The following FCHSD2 variants were observed in gnomAD, a reference collection of about 807,000 sequenced individuals.
FCHSD2 encodes FCH and double SH3 domains 2.
Under a neutral mutation model 108.1 loss-of-function variants are expected in FCHSD2, and 38 were observed. The ratio of observed to expected loss-of-function variants is 0.35; its 90% CI spans 0.27 to 0.46. The LOEUF is 0.46. Ranked by LOEUF, FCHSD2 falls within the 20% of genes least tolerant of loss-of-function variation. FCHSD2 has a pLI of 1.00. For missense variants in FCHSD2, 751 were observed against 897.8 expected (o/e 0.84, Z 2.09); for synonymous variants, 279 against 314.7 (o/e 0.89, Z 1.20).
intron 2 of FCHSD2, among the ~76,000 whole-genome samples, chr11:73,121,136 C>G (rs1390937356): frequency 1.3e-5 from 2 of 151,606 alleles, no homozygotes; most frequent in African/African-American, 4.9e-5. Flanking sequence ...TTAAGCATAC[C>G]CTTTGGGGTC....
chr11:72,843,532 C>G lies in FCHSD2; in HGVS notation c.1444G>C (p.Ala482Pro), dbSNP rs1250694445. Reference protein sequence around the residue: ...LTCKVVYSYKASQPDELTIEE... With the variant: ...LTCKVVYSYKPSQPDELTIEE... ...ATGGTCAACTCATCTGGTTGAGAAG[C>G]CTGCAGTGTAGGATGGTCATGGACA... The change falls in exon 15 of 20, where the codon GCT (alanine) becomes CCT (proline). Residue 482 changes from alanine (A) to proline (P), a missense_variant and splice_region_variant. Coordinates refer to ENST00000409418, the MANE Select transcript of FCHSD2 (RefSeq NM_014824.3). 2.5e-6 allele frequency: 4 copies of G among 1,612,004 alleles called. No individual in the cohort carries two copies. The highest frequency in any genetic ancestry group is 3.3e-5 in the Admixed American group (2 of 59,990).
intron 3 of FCHSD2, among the ~76,000 whole-genome samples, chr11:73,061,155 T>C (rs1859152128): frequency 6.6e-6 from 1 of 152,102 alleles, no homozygotes; most frequent in African/African-American, 2.4e-5. Context: ...GTGCAGCCCA[T>C]GGAAGGCGAG....
At position 72,855,637 on chromosome 11, in the gene FCHSD2, CAAG is replaced by C. The variant is rs1237055171; in HGVS notation, c.1309-5751_1309-5749del. ...GCACACTCTCTTCTGAAATGTAACA[CAAG>C]GAGAATAATTTTTTAACCCAGTTTC... On this transcript the variant is annotated intron_variant, in intron 13 of 19. Transcript: ENST00000409418. 3.3e-5 allele frequency among the ~76,000 whole-genome samples: 5 copies of C among 152,126 alleles called. 1 individual carries two copies. Among genetic ancestry groups the C allele is most frequent in the Non-Finnish European group, 7.4e-5 (5 of 68,026 alleles).
chr11:72,940,253 A>G (rs1019688426), intron 8 of FCHSD2, among the ~76,000 whole-genome samples: 10 of 152,180 alleles, frequency 6.6e-5, no homozygotes, highest in Admixed American at 4.6e-4. Flanking sequence ...TTGTGTGTTT[A>G]TATTATGCTT....
At chr11:73,027,057 G>A (rs1421131309) in intron 3 of FCHSD2, among the ~76,000 whole-genome samples, 2 of 152,088 alleles carry the variant, frequency 1.3e-5, no homozygotes, top group Non-Finnish European at 2.9e-5. Flanking sequence ...CGAGAGACAT[G>A]GCGTATTTCT....
chr11:73,000,014 A>G (rs1394873310), intron 5 of FCHSD2, among the ~76,000 whole-genome samples: 3 of 152,192 alleles, frequency 2.0e-5, no homozygotes, highest in African/African-American at 7.2e-5. Context: ...TTCTTATACA[A>G]ATATGTTTAA....
intron 8 of FCHSD2, among the ~76,000 whole-genome samples, chr11:72,958,286 G>A (rs1030506487): frequency 2.0e-5 from 3 of 152,196 alleles, no homozygotes; most frequent in African/African-American, 7.2e-5. Flanking sequence ...GGAAGGCTGA[G>A]GCAGGCGGAT....
At chr11:73,124,095 T>A (rs939346464) in intron 2 of FCHSD2, among the ~76,000 whole-genome samples, 2 of 152,138 alleles carry the variant, frequency 1.3e-5, no homozygotes, top group Admixed American at 6.6e-5. Flanking sequence ...AAAGGATGCG[T>A]TCACGTCCTT....
At chr11:72,956,736 T>C (rs1327310160) in intron 8 of FCHSD2, among the ~76,000 whole-genome samples, 1 of 151,970 alleles carries the variant, frequency 6.6e-6, no homozygotes. Flanking sequence ...TATTATCCCC[T>C]TGGGGGTCAG....
chr11:72,878,087 A>G (rs1855006238), intron 12 of FCHSD2, among the ~76,000 whole-genome samples: 1 of 152,050 alleles, frequency 6.6e-6, no homozygotes, highest in South Asian at 2.1e-4. Flanking sequence ...GAACATAAAT[A>G]AATGTAAAAT....
chr11:72,970,639 T>A (rs1427431515), intron 8 of FCHSD2, among the ~76,000 whole-genome samples: 1 of 152,128 alleles, frequency 6.6e-6, no homozygotes, highest in Non-Finnish European at 1.5e-5. Context: ...CCCCTTTTCA[T>A]AAAAGTCCAT....
intron 2 of FCHSD2, among the ~76,000 whole-genome samples, chr11:73,110,958 T>C (rs1860469901): frequency 6.6e-6 from 1 of 152,228 alleles, no homozygotes; most frequent in South Asian, 2.1e-4. Context: ...ATTGTTTAAT[T>C]TCCATGTGGT....
intron 12 of FCHSD2, among the ~76,000 whole-genome samples, chr11:72,885,159 A>G (rs1855170331): frequency 6.6e-6 from 1 of 152,082 alleles, no homozygotes; most frequent in Non-Finnish European, 1.5e-5. Flanking sequence ...TGTAAGTACT[A>G]CCCCAATAAA....
intron 2 of FCHSD2, among the ~76,000 whole-genome samples, chr11:73,097,455 TTG>T (rs1860114348): frequency 6.6e-6 from 1 of 151,642 alleles, no homozygotes; most frequent in African/African-American, 2.4e-5. Flanking sequence ...TGTTTGATTT[TTG>T]TATAAGGGTA....
rs557575429 is a variant in FCHSD2, at chr11:73,096,698, C to A, written c.120-12958G>T. Among the ~76,000 whole-genome samples the A allele has an allele frequency of 2.0e-5, 3 of 152,162 alleles. No individual in the cohort carries two copies. In the East Asian group the frequency reaches 5.8e-4, roughly 29 times the overall value. ...TATAGGGAAAGTGTTCAGTCTTTCACCACTGAGTACGATGTTACTGTGAGC... is the reference window on the plus strand; with the variant it reads ...TATAGGGAAAGTGTTCAGTCTTTCAACACTGAGTACGATGTTACTGTGAGC... On this transcript the variant is annotated intron_variant, in intron 2 of 19. Coordinates refer to ENST00000409418, the MANE Select transcript of FCHSD2 (RefSeq NM_014824.3).
intron 13 of FCHSD2, among the ~76,000 whole-genome samples, chr11:72,861,701 G>A (rs1386617879): frequency 1.3e-5 from 2 of 152,098 alleles, no homozygotes; most frequent in African/African-American, 2.4e-5. Context: ...AGGCTGAGGC[G>A]GGTGGAGCAA....
intron 12 of FCHSD2, among the ~76,000 whole-genome samples, chr11:72,887,065 T>A (rs12419767): frequency 0.012 from 1,772 of 151,046 alleles, 105 homozygotes; most frequent in Admixed American, 0.087. Flanking sequence ...GGAGATTTCC[T>A]AAGCTCTGAA....
intron 9 of FCHSD2, 77 bp downstream of exon 9, chr11:72,921,751 C>A: frequency 8.2e-7 from 1 of 1,212,966 alleles, no homozygotes; most frequent in South Asian, 1.3e-5. Context: ...TCACTAGTAC[C>A]TTCATTTTCT....
At chr11:72,979,934 T>C (rs1857180652) in intron 8 of FCHSD2, among the ~76,000 whole-genome samples, 1 of 152,178 alleles carries the variant, frequency 6.6e-6, no homozygotes, top group African/African-American at 2.4e-5. Flanking sequence ...TAACTGCTAA[T>C]GTAAGAACAG....
Sources: gnomAD v4.1 joint callset for allele counts (sites outside exome capture counted in the v4.1 genomes callset) on GRCh38, gnomAD v4.1.1 for gene constraint, MANE v1.5 for transcripts, NCBI Gene and HGNC (gene_info 2026-07-23, HGNC 2026-07-21) for gene names.